GALNT13: variants seen among roughly 807,000 people sequenced by gnomAD.
The protein encoded by GALNT13 is UDP-GalNAc:polypeptide N-acetylgalactosaminyltransferase 13.
Under a neutral mutation model 64.2 loss-of-function variants are expected in GALNT13, and 28 were observed. The ratio of observed to expected loss-of-function variants is 0.44; its 90% confidence interval spans 0.32 to 0.60. GALNT13 has a LOEUF of 0.60. Among genes scored for constraint, GALNT13 ranks in the 20% least tolerant of loss-of-function variants. GALNT13 has a pLI of 0.05. For missense variants in GALNT13, 577 were observed against 669.8 expected, an observed-to-expected ratio of 0.86 and a Z score of 1.53; for synonymous variants, 214 against 224.6, an observed-to-expected ratio of 0.95 and a Z score of 0.42.
chr2:154,126,663 A>G (rs1233529261), intron 3 of GALNT13, among the ~76,000 whole-genome samples: 2 of 151,930 alleles, frequency 1.3e-5, no homozygotes, highest in African/African-American at 4.8e-5. Context: ...AACAAAAAAA[A>G]GAAAGAAAAG....
the GALNT13 span, among the ~76,000 whole-genome samples, chr2:153,517,962 A>C: frequency 2.0e-5 from 3 of 152,292 alleles, no homozygotes; most frequent in African/African-American, 7.2e-5. Context: ...AATAGCATGA[A>C]ACACTTGATA....
intron 8 of GALNT13, among the ~76,000 whole-genome samples, chr2:154,297,782 A>G (rs578167274): frequency 6.6e-6 from 1 of 152,066 alleles, no homozygotes. Context: ...AGTCAATGAT[A>G]TGTTCTAGTT....
intron 3 of GALNT13, among the ~76,000 whole-genome samples, chr2:154,107,720 CA>C (rs1558961379): frequency 5.9e-5 from 9 of 151,704 alleles, no homozygotes. Context: ...TCCTTCTGTT[CA>C]TCTGAGATTT....
chr2:153,531,808 C>T, the GALNT13 span, among the ~76,000 whole-genome samples: 1 of 152,166 alleles, frequency 6.6e-6, no homozygotes, highest in African/African-American at 2.4e-5. Flanking sequence ...AAAAAGGCTA[C>T]AGGCCCCATG....
At chr2:154,210,574 C>G (rs1468397303) in intron 4 of GALNT13, among the ~76,000 whole-genome samples, 1 of 152,126 alleles carries the variant, frequency 6.6e-6, no homozygotes, top group Non-Finnish European at 1.5e-5. Context: ...GACAGAAAGG[C>G]ATGGTCCATA....
the GALNT13 span, among the ~76,000 whole-genome samples, chr2:153,367,531 A>G: frequency 6.6e-6 from 1 of 152,122 alleles, no homozygotes; most frequent in Admixed American, 6.6e-5. Flanking sequence ...TGAAGCCAAT[A>G]TAATCAAAGG....
chr2:153,287,589 G>A, the GALNT13 span, among the ~76,000 whole-genome samples: 4 of 152,170 alleles, frequency 2.6e-5, no homozygotes, highest in Admixed American at 6.5e-5. Context: ...CCATTCAGCT[G>A]CTGGCGGGGC....
chr2:154,193,393 G>A (rs562591346), intron 4 of GALNT13, among the ~76,000 whole-genome samples: 4 of 152,288 alleles, frequency 2.6e-5, no homozygotes, highest in East Asian at 3.9e-4. Context: ...TGCATCTCCA[G>A]AATTAGGTCA....
chr2:153,811,255 T>C, the GALNT13 span, among the ~76,000 whole-genome samples: 1 of 152,210 alleles, frequency 6.6e-6, no homozygotes, highest in Non-Finnish European at 1.5e-5. Context: ...TACCATATTG[T>C]TGGACAAAGT....
chr2:154,250,311 G>C (rs2105886195), intron 7 of GALNT13, among the ~76,000 whole-genome samples: 1 of 151,988 alleles, frequency 6.6e-6, no homozygotes, highest in East Asian at 1.9e-4. Flanking sequence ...TTCTTCTAAG[G>C]CTTTTCTATT....
the GALNT13 span, among the ~76,000 whole-genome samples, chr2:153,279,989 C>G: frequency 6.6e-6 from 1 of 152,060 alleles, no homozygotes; most frequent in African/African-American, 2.4e-5. Context: ...ATGAATCCAG[C>G]CAGTCTGGGG....
chr2:153,206,068 A>G, the GALNT13 span, among the ~76,000 whole-genome samples: 1 of 152,108 alleles, frequency 6.6e-6, no homozygotes, highest in Non-Finnish European at 1.5e-5. Flanking sequence ...TGAAAAAAAA[A>G]GAAAGAATAG....
the GALNT13 span, among the ~76,000 whole-genome samples, chr2:153,139,038 TTTTTC>T: frequency 6.6e-6 from 1 of 152,070 alleles, no homozygotes; most frequent in Middle Eastern, 3.2e-3. Context: ...TTCCAAGACT[TTTTTC>T]TTTAAGTCAC....
intron 3 of GALNT13, among the ~76,000 whole-genome samples, chr2:154,030,664 A>G (rs948738585): frequency 6.6e-6 from 1 of 152,112 alleles, no homozygotes; most frequent in African/African-American, 2.4e-5. Context: ...TTATTGGATC[A>G]TGGGTGCAGA....
chr2:153,154,190 G>A, the GALNT13 span, among the ~76,000 whole-genome samples: 7 of 152,196 alleles, frequency 4.6e-5, 1 homozygote, highest in South Asian at 1.5e-3. Flanking sequence ...GACCTGGTGG[G>A]AGGTGACTGA....
At chr2:153,169,549 A>G in the GALNT13 span, among the ~76,000 whole-genome samples, 1 of 152,156 alleles carries the variant, frequency 6.6e-6, no homozygotes, top group Non-Finnish European at 1.5e-5. Flanking sequence ...GCCTGGGGGT[A>G]CTGCATGTCT....
the GALNT13 span, among the ~76,000 whole-genome samples, chr2:153,497,294 G>T: frequency 6.6e-6 from 1 of 151,982 alleles, no homozygotes; most frequent in Admixed American, 6.6e-5. Context: ...AAGTATATAA[G>T]TTTTTTCAAA....
the GALNT13 span, among the ~76,000 whole-genome samples, chr2:153,676,974 G>T: frequency 2.6e-5 from 4 of 151,936 alleles, no homozygotes; most frequent in South Asian, 4.1e-4. Context: ...AACAAGACAA[G>T]CATGGCCACT....
the GALNT13 span, among the ~76,000 whole-genome samples, chr2:153,102,300 T>C: frequency 1.4e-5 from 1 of 69,186 alleles, no homozygotes; most frequent in Admixed American, 1.5e-4. Flanking sequence ...CATTCATTCC[T>C]TTTTTTCAAA....
Sources: gnomAD v4.1 joint callset for allele counts (sites outside exome capture counted in the v4.1 genomes callset) on GRCh38, gnomAD v4.1.1 for gene constraint, MANE v1.5 for transcripts, NCBI Gene and HGNC (gene_info 2026-07-23, HGNC 2026-07-21) for gene names.